The following EYS variants were observed in gnomAD, a reference collection of about 807,000 sequenced individuals.
EYS encodes the protein EGF-like photoreceptor maintenance factor.
A neutral mutation model predicts 282.1 loss-of-function variants in EYS; 250 were observed. The observed-to-expected ratio is 0.89, with a 90% confidence interval of 0.80 to 0.98. The LOEUF (loss-of-function observed/expected upper bound fraction) is 0.98. Among genes scored for constraint, EYS ranks in the 50% least tolerant of loss-of-function variants. The pLI is 0.00. For synonymous variants in EYS, 1,355 were observed against 1,282.9 expected, an observed-to-expected ratio of 1.06 and a Z score of -1.20; for missense variants, 4,016 against 3,709.0, an observed-to-expected ratio of 1.08 and a Z score of -2.15.
chr6:64,365,172 T>C (rs1436305832), intron 29 of EYS, among the ~76,000 whole-genome samples: 1 of 151,814 alleles, frequency 6.6e-6, no homozygotes, highest in Non-Finnish European at 1.5e-5. Context: ...CTAAGGAACA[T>C]GGGCAATGGC....
chr6:65,044,228 A>C (rs1476470232), intron 13 of EYS, among the ~76,000 whole-genome samples: 1 of 151,702 alleles, frequency 6.6e-6, no homozygotes, highest in Non-Finnish European at 1.5e-5. Context: ...CTATTTTTCA[A>C]CCAGGTTGTG....
intron 2 of EYS, among the ~76,000 whole-genome samples, chr6:65,589,999 C>A (rs968781104): frequency 6.6e-6 from 1 of 151,816 alleles, no homozygotes; most frequent in African/African-American, 2.4e-5. Flanking sequence ...AAACCATTGG[C>A]AAAATGAACG....
intron 13 of EYS, among the ~76,000 whole-genome samples, chr6:65,053,941 T>G (rs1773345085): frequency 6.6e-6 from 1 of 151,972 alleles, no homozygotes; most frequent in African/African-American, 2.4e-5. Flanking sequence ...GTACTATTTT[T>G]CTTTCTTTGG....
intron 26 of EYS, among the ~76,000 whole-genome samples, chr6:64,533,197 G>T (rs1764407830): frequency 6.6e-6 from 1 of 152,226 alleles, no homozygotes; most frequent in South Asian, 2.1e-4. Context: ...AAAGATCAGA[G>T]CATATGATGC....
At chr6:65,318,176 AT>A (rs201347703) in intron 11 of EYS, among the ~76,000 whole-genome samples, 29 of 147,074 alleles carry the variant, frequency 2.0e-4, no homozygotes, top group African/African-American at 3.7e-4. Flanking sequence ...TGGAGGCTCC[AT>A]TTTTTTTTTT....
intron 19 of EYS, among the ~76,000 whole-genome samples, chr6:64,870,440 A>C (rs1424663916): frequency 6.8e-6 from 1 of 147,232 alleles, no homozygotes; most frequent in African/African-American, 2.5e-5. Flanking sequence ...AAAAAAAAAA[A>C]CAAAAAGCTG....
At chr6:65,520,935 C>T (rs967077804) in intron 2 of EYS, among the ~76,000 whole-genome samples, 1 of 152,000 alleles carries the variant, frequency 6.6e-6, no homozygotes, top group African/African-American at 2.4e-5. Context: ...TTAAGAGTAA[C>T]AAACATCTTC....
At chr6:64,539,067 G>A (rs920165783) in intron 26 of EYS, among the ~76,000 whole-genome samples, 1 of 152,094 alleles carries the variant, frequency 6.6e-6, no homozygotes, top group African/African-American at 2.4e-5. Context: ...TTTTGTGACT[G>A]GCTTATTTCA....
chr6:64,561,394 T>G (rs988500308), intron 26 of EYS, among the ~76,000 whole-genome samples: 1 of 152,132 alleles, frequency 6.6e-6, no homozygotes, highest in Non-Finnish European at 1.5e-5. Context: ...TATCTCTGTT[T>G]GCAGACAACA....
intron 24 of EYS, among the ~76,000 whole-genome samples, chr6:64,594,304 C>T (rs1766505088): frequency 1.3e-5 from 2 of 152,086 alleles, no homozygotes; most frequent in African/African-American, 4.8e-5. Flanking sequence ...GAACTAACAC[C>T]AAGTCTTTGC....
intron 24 of EYS, among the ~76,000 whole-genome samples, chr6:64,597,723 T>C (rs1193457114): frequency 7.3e-6 from 1 of 136,216 alleles, no homozygotes; most frequent in African/African-American, 2.7e-5. Context: ...GGGGAGGACA[T>C]GGGGGGGTAA....
intron 36 of EYS, among the ~76,000 whole-genome samples, chr6:63,851,339 G>A (rs1404414554): frequency 6.6e-6 from 1 of 152,134 alleles, no homozygotes; most frequent in African/African-American, 2.4e-5. Flanking sequence ...GACATCTACA[G>A]AACTCTCCAC....
At chr6:65,421,006 C>T (rs965551686) in intron 5 of EYS, among the ~76,000 whole-genome samples, 3 of 151,824 alleles carry the variant, frequency 2.0e-5, no homozygotes, top group African/African-American at 7.2e-5. Flanking sequence ...AATTTAGCAT[C>T]TTTCTTAAGG....
At chr6:65,100,845 A>G (rs1470591442) in intron 12 of EYS, among the ~76,000 whole-genome samples, 1 of 150,982 alleles carries the variant, frequency 6.6e-6, no homozygotes, top group Non-Finnish European at 1.5e-5. Flanking sequence ...GACAAGAGGA[A>G]GTATTAATTG....
chr6:64,627,326 C>A (rs1767641463), intron 22 of EYS, among the ~76,000 whole-genome samples: 1 of 151,890 alleles, frequency 6.6e-6, no homozygotes, highest in African/African-American at 2.4e-5. Flanking sequence ...TACGCAAGGG[C>A]AAGAATAAGA....
chr6:64,317,952 C>T (rs1226733478), intron 29 of EYS, among the ~76,000 whole-genome samples: 1 of 152,092 alleles, frequency 6.6e-6, no homozygotes, highest in Non-Finnish European at 1.5e-5. Flanking sequence ...ACTGTATGTC[C>T]TCACTCATAA....
At chr6:63,751,501 CT>C (rs1024792538) in intron 41 of EYS, among the ~76,000 whole-genome samples, 5 of 152,242 alleles carry the variant, frequency 3.3e-5, no homozygotes, top group South Asian at 4.1e-4. Flanking sequence ...TTCTTTAAAG[CT>C]TTATCACAAT....
intron 1 of EYS, among the ~76,000 whole-genome samples, chr6:65,651,345 A>G (rs948517135): frequency 6.6e-6 from 1 of 152,038 alleles, no homozygotes; most frequent in Non-Finnish European, 1.5e-5. Flanking sequence ...CAGAAAATAT[A>G]GGCTTGTAAG....
intron 35 of EYS, among the ~76,000 whole-genome samples, chr6:63,920,725 C>A (rs547262991): frequency 5.9e-5 from 9 of 152,190 alleles, no homozygotes; most frequent in Admixed American, 1.3e-4. Context: ...AGAAAACAAT[C>A]ATCTTCCAGG....
Sources: gnomAD v4.1 joint callset for allele counts (sites outside exome capture counted in the v4.1 genomes callset) on GRCh38, gnomAD v4.1.1 for gene constraint, MANE v1.5 for transcripts, NCBI Gene and HGNC (gene_info 2026-07-23, HGNC 2026-07-21) for gene names.